Variants in CACNA1E observed in about 807,000 individuals in gnomAD.
The protein encoded by CACNA1E is voltage-dependent R-type calcium channel subunit alpha-1E.
A neutral mutation model predicts 259.2 loss-of-function variants in CACNA1E; 40 were observed. The observed-to-expected ratio is 0.15, with a 90% CI of 0.12 to 0.20. The LOEUF (loss-of-function observed/expected upper bound fraction) is 0.20. CACNA1E is among the 10% of genes least tolerant of loss of function. The probability of loss-of-function intolerance (pLI) is 1.00; values close to 1 mark genes in which losing one functional copy is unlikely to be tolerated. For synonymous variants in CACNA1E, 1,104 were observed against 1,138.5 expected, an observed-to-expected ratio of 0.97 and a Z score of 0.61; for missense variants, 1,874 against 3,040.1, an observed-to-expected ratio of 0.62 and a Z score of 9.02.
At chr1:181,600,082 G>A (rs1653589234) in intron 6 of CACNA1E, among the ~76,000 whole-genome samples, 1 of 152,240 alleles carries the variant, frequency 6.6e-6, no homozygotes, top group African/African-American at 2.4e-5. Flanking sequence ...AGATGAGGTG[G>A]TCTGGGAAGG....
At chr1:181,437,998 C>T (rs1318159013) in intron 2 of CACNA1E, among the ~76,000 whole-genome samples, 1 of 152,198 alleles carries the variant, frequency 6.6e-6, no homozygotes, top group African/African-American at 2.4e-5. Context: ...TGACTTATGC[C>T]ATCCTCCAGT....
chr1:181,721,352 G>A (rs148138478), intron 15 of CACNA1E, among the ~76,000 whole-genome samples: 1,591 of 152,256 alleles, frequency 0.01, 34 homozygotes, highest in African/African-American at 0.037. Flanking sequence ...ACCACAACCC[G>A]TTTCCTGAAC....
chr1:181,412,414 T>TA (rs1008628002), intron 1 of CACNA1E, among the ~76,000 whole-genome samples: 4 of 151,880 alleles, frequency 2.6e-5, no homozygotes, highest in African/African-American at 7.3e-5. Context: ...CTACAAAAAA[T>TA]AAAAAAATTG....
chr1:181,757,134 C>T lies in CACNA1E; in HGVS notation c.4329+8C>T, dbSNP rs1391588678. ...AGCCTGGAGAAGAATGAGGTAATGA[C>T]AATTGGTCTAAAGTGGGGAGCAGCA... On this transcript the variant is annotated splice_region_variant and intron_variant, in intron 30 of 47. Coordinates refer to ENST00000367573, the MANE Select transcript of CACNA1E (RefSeq NM_001205293.3). 2.5e-6 allele frequency: 4 copies of T among 1,606,678 alleles called. No homozygotes were observed. The highest frequency in any genetic ancestry group is 1.3e-5 in the African/African-American group (1 of 74,704).
chr1:181,516,862 C>T (rs1360746562), intron 3 of CACNA1E, among the ~76,000 whole-genome samples: 3 of 152,198 alleles, frequency 2.0e-5, no homozygotes, highest in Non-Finnish European at 4.4e-5. Context: ...GTCAGCCTTG[C>T]GTGGGAGGTG....
chr1:181,707,025 CCT>C (rs1258614522), intron 7 of CACNA1E, among the ~76,000 whole-genome samples: 1 of 152,158 alleles, frequency 6.6e-6, no homozygotes, highest in African/African-American at 2.4e-5. Context: ...TGATACTTGA[CCT>C]CATGAAGGCT....
At chr1:181,365,707 C>G (rs1421858610) in intron 1 of CACNA1E, among the ~76,000 whole-genome samples, 1 of 152,218 alleles carries the variant, frequency 6.6e-6, no homozygotes, top group Non-Finnish European at 1.5e-5. Flanking sequence ...GTTCAAGGAG[C>G]TGTATTTGCT....
chr1:181,632,269 G>T (rs1412808905), intron 6 of CACNA1E, among the ~76,000 whole-genome samples: 1 of 152,004 alleles, frequency 6.6e-6, no homozygotes, highest in Non-Finnish European at 1.5e-5. Context: ...CTCTTTTCTT[G>T]TATCCGTACA....
Position 181,798,135 on chromosome 1 carries a change from C to T in CACNA1E, c.6400-157C>T, listed in dbSNP as rs1661968951. On this transcript the variant is annotated intron_variant, in intron 47 of 47. Coordinates refer to ENST00000367573, the MANE Select transcript of CACNA1E (RefSeq NM_001205293.3). The surrounding 1 kb of genome is among the most constrained non-coding windows in gnomAD (Gnocchi z 4.2). ...AATGTTCTTGACTCCTTAATCTCTTCAATCCCTTTTTCCCTGAGTGGATGT... is the reference window on the plus strand; with the variant it reads ...AATGTTCTTGACTCCTTAATCTCTTTAATCCCTTTTTCCCTGAGTGGATGT... 6.6e-6 allele frequency among the ~76,000 whole-genome samples: 1 copy of T among 152,310 alleles called. No individual in the cohort carries two copies. The highest frequency in any genetic ancestry group is 3.4e-3 in the Middle Eastern group (1 of 294).
At position 181,335,689 on chromosome 1, in the gene CACNA1E, T is replaced by A. The variant is rs145985983; in HGVS notation, c.-15+17566T>A. Among the ~76,000 whole-genome samples, 1,021 of 152,334 alleles carry A rather than the reference T, an allele frequency of 6.7e-3. 5 individuals are homozygous for A. Among genetic ancestry groups the A allele is most frequent in the Non-Finnish European group, 8.6e-3 (584 of 68,022 alleles). ...CCTTCTGTCTGCCATCCAGGGACCA[T>A]TGTGCCTTGGTTCATCTCCATTCGT... On this transcript the variant is annotated intron_variant, in intron 1 of 11. Coordinates refer to the CACNA1E transcript ENST00000524607.
At chr1:181,442,238 G>GAACACAGGTGT (rs1660528773) in intron 2 of CACNA1E, among the ~76,000 whole-genome samples, 1 of 151,250 alleles carries the variant, frequency 6.6e-6, no homozygotes, top group Non-Finnish European at 1.5e-5. Context: ...TAAGTATGAG[G>GAACACAGGTGT]GACACAGGTG....
intron 24 of CACNA1E, 120 bp downstream of exon 24, chr1:181,738,546 C>A (rs1488227065): frequency 1.3e-6 from 1 of 767,286 alleles, no homozygotes; most frequent in Non-Finnish European, 2.3e-6. Context: ...CTCAGTAGAG[C>A]TTCTGCCGCC....
chr1:181,671,860 T>C (rs1461017943), intron 7 of CACNA1E, among the ~76,000 whole-genome samples: 1 of 152,230 alleles, frequency 6.6e-6, no homozygotes, highest in African/African-American at 2.4e-5. Context: ...AGAACTACCA[T>C]TTGACCCAGC....
At chr1:181,434,700 A>G (rs958552065) in intron 2 of CACNA1E, among the ~76,000 whole-genome samples, 1 of 152,192 alleles carries the variant, frequency 6.6e-6, no homozygotes, top group African/African-American at 2.4e-5. Context: ...CAAAATTCAG[A>G]AGCAGGGAGC....
chr1:181,350,638 A>T (rs1224485165), intron 1 of CACNA1E, among the ~76,000 whole-genome samples: 2 of 152,124 alleles, frequency 1.3e-5, no homozygotes, highest in African/African-American at 4.8e-5. Context: ...CTGGGGGTCA[A>T]AGTAACTCTA....
intron 2 of CACNA1E, among the ~76,000 whole-genome samples, chr1:181,424,105 C>T (rs1189038160): frequency 1.3e-5 from 2 of 152,152 alleles, no homozygotes; most frequent in Non-Finnish European, 2.9e-5. Context: ...AAACATATGC[C>T]AGTGGAACAC....
chr1:181,430,726 A>G (rs557095876), intron 2 of CACNA1E, among the ~76,000 whole-genome samples: 1 of 152,306 alleles, frequency 6.6e-6, no homozygotes, highest in South Asian at 2.1e-4. Context: ...ATTTTGAAAG[A>G]ATTTTACCAA....
chr1:181,638,657 C>T (rs1657456654), intron 6 of CACNA1E, among the ~76,000 whole-genome samples: 1 of 152,116 alleles, frequency 6.6e-6, no homozygotes, highest in South Asian at 2.1e-4. Context: ...AGTTGTAATC[C>T]CTATAATCCT....
At chr1:181,513,473 G>C (rs947476397) in intron 3 of CACNA1E, among the ~76,000 whole-genome samples, 4 of 152,028 alleles carry the variant, frequency 2.6e-5, no homozygotes, top group African/African-American at 9.7e-5. Flanking sequence ...CTGTTTTTTG[G>C]CTCTGATAAA....
Sources: allele counts gnomAD v4.1 joint callset (sites outside exome capture counted in the v4.1 genomes callset), GRCh38; gene constraint gnomAD v4.1.1; non-coding constraint Gnocchi (gnomAD v3.1); transcripts MANE v1.5; gene names NCBI Gene and HGNC (gene_info 2026-07-23, HGNC 2026-07-21).